Variants in GRB14 observed in about 807,000 individuals in gnomAD.
GRB14 encodes the protein growth factor receptor-bound protein 14.
In GRB14, 38 loss-of-function variants were observed where a neutral mutation model predicts 69.1. That is an observed-to-expected ratio of 0.55 (90% CI 0.42 to 0.72). The LOEUF (loss-of-function observed/expected upper bound fraction) is 0.72. Ranked by LOEUF, GRB14 falls within the 30% of genes least tolerant of loss-of-function variation. The pLI, the probability that GRB14 is intolerant of heterozygous loss-of-function variation, is 0.00. For missense variants in GRB14, 666 were observed against 666.1 expected (o/e 1.00, Z 0.00); for synonymous variants, 247 against 241.3 (o/e 1.02, Z -0.22).
intron 6 of GRB14, among the ~76,000 whole-genome samples, chr2:164,517,937 C>T (rs1341943850): frequency 6.6e-6 from 1 of 152,040 alleles, no homozygotes; most frequent in Non-Finnish European, 1.5e-5. Flanking sequence ...TTTAATACTC[C>T]ACTAACTGCA....
chr2:164,518,898 A>T (rs923403720), intron 6 of GRB14, among the ~76,000 whole-genome samples: 2 of 152,060 alleles, frequency 1.3e-5, no homozygotes, highest in African/African-American at 4.8e-5. Context: ...ACAAAAAAAA[A>T]GGTCCAGGAC....
chr2:164,573,817 G>T (rs1689177904), intron 2 of GRB14: 1 of 1,612,684 alleles, frequency 6.2e-7, no homozygotes. Context: ...CAGATAAATT[G>T]AACATGACTC....
intron 2 of GRB14, among the ~76,000 whole-genome samples, chr2:164,619,316 C>A (rs2105366144): frequency 6.6e-6 from 1 of 152,296 alleles, no homozygotes; most frequent in Non-Finnish European, 1.5e-5. Context: ...AGGAATCAGT[C>A]AATCCCCTTC....
intron 3 of GRB14, among the ~76,000 whole-genome samples, chr2:164,545,080 A>T (rs1194309829): frequency 6.6e-6 from 1 of 152,226 alleles, no homozygotes; most frequent in African/African-American, 2.4e-5. Flanking sequence ...GATTTTGTAT[A>T]TTGGCAGCTA....
chr2:164,592,376 C>T (rs1469271800), intron 2 of GRB14, among the ~76,000 whole-genome samples: 23 of 152,226 alleles, frequency 1.5e-4, no homozygotes, highest in South Asian at 1.5e-3. Context: ...CCTTGTGATC[C>T]GCCTGCCTCA....
intron 2 of GRB14, among the ~76,000 whole-genome samples, chr2:164,578,637 T>C (rs1317069988): frequency 1.3e-5 from 2 of 151,634 alleles, no homozygotes; most frequent in South Asian, 2.1e-4. Flanking sequence ...TCTTCATGAG[T>C]TGGACAAAAA....
chr2:164,496,303 T>C (rs1254772747), intron 12 of GRB14, among the ~76,000 whole-genome samples: 1 of 152,140 alleles, frequency 6.6e-6, no homozygotes, highest in Non-Finnish European at 1.5e-5. Context: ...TGTACTGCAT[T>C]TGGAAAGGGA....
chr2:164,571,105 C>T (rs1381387347), intron 2 of GRB14, among the ~76,000 whole-genome samples: 1 of 152,184 alleles, frequency 6.6e-6, no homozygotes, highest in East Asian at 1.9e-4. Context: ...TTCTGTAATC[C>T]TTTGCAGGTG....
intron 2 of GRB14, among the ~76,000 whole-genome samples, chr2:164,606,063 T>G (rs1457268106): frequency 1.3e-5 from 2 of 152,226 alleles, no homozygotes; most frequent in African/African-American, 4.8e-5. Flanking sequence ...TACTCATAAA[T>G]ACAGGAGTGT....
intron 6 of GRB14, among the ~76,000 whole-genome samples, chr2:164,509,346 A>G (rs1423573646): frequency 1.3e-5 from 2 of 152,250 alleles, no homozygotes; most frequent in Non-Finnish European, 2.9e-5. Context: ...AGTGGAACAC[A>G]CCACAGGAAG....
chr2:164,580,629 G>T (rs543179929), intron 2 of GRB14, among the ~76,000 whole-genome samples: 2 of 151,800 alleles, frequency 1.3e-5, no homozygotes, highest in Admixed American at 1.3e-4. Context: ...GCTTGAACCC[G>T]AGAGGTGGAG....
chr2:164,500,241 T>C lies in GRB14; in HGVS notation c.1104+2014A>G, dbSNP rs554590421. On this transcript the variant is annotated intron_variant, in intron 9 of 13. Transcript: ENST00000263915. Reference sequence around the variant, plus strand: ...CAAATATATTTGGCTTCCTGAAATGTCTGCTGCTGATTGATTCTCACTTCA... The same window carrying C: ...CAAATATATTTGGCTTCCTGAAATGCCTGCTGCTGATTGATTCTCACTTCA... Among the ~76,000 whole-genome samples, 208 of 152,218 alleles carry C rather than the reference T, an allele frequency of 1.4e-3. 2 individuals are homozygous for C. Among genetic ancestry groups the C allele is most frequent in the African/African-American group, 5.0e-3 (206 of 41,542 alleles).
Position 164,498,495 on chromosome 2 carries a change from GT to G in GRB14, c.1105-1006del, listed in dbSNP as rs1479473369. Among the ~76,000 whole-genome samples the G allele has an allele frequency of 2.0e-5, 3 of 152,116 alleles. No individual in the cohort carries two copies. In the East Asian group the frequency reaches 5.8e-4, roughly 29 times the overall value. On this transcript the variant is annotated intron_variant, in intron 9 of 13. Transcript: ENST00000263915. ...AATCTCTAGTCAAGAATCCCACTCA[GT>G]TCATAAGTTCATACAACATCAAGAA...
chr2:164,516,879 C>T (rs1291671283), intron 6 of GRB14, among the ~76,000 whole-genome samples: 2 of 152,024 alleles, frequency 1.3e-5, no homozygotes, highest in African/African-American at 4.8e-5. Flanking sequence ...CATAAATTAC[C>T]CTGGCATGGT....
intron 13 of GRB14, 43 bp downstream of exon 13, chr2:164,494,388 A>C (rs759508593): frequency 2.9e-6 from 3 of 1,024,240 alleles, no homozygotes; most frequent in Non-Finnish European, 4.7e-6. Context: ...TTATGCATTA[A>C]GGTCATTTCT....
At chr2:164,527,504 G>C (rs1276616441) in intron 3 of GRB14, among the ~76,000 whole-genome samples, 1 of 151,408 alleles carries the variant, frequency 6.6e-6, no homozygotes, top group Non-Finnish European at 1.5e-5. Flanking sequence ...TTTTTTCTCT[G>C]ACTCATCATG....
At chr2:164,501,980 C>T (rs1050450280) in intron 9 of GRB14, among the ~76,000 whole-genome samples, 1 of 151,762 alleles carries the variant, frequency 6.6e-6, no homozygotes, top group African/African-American at 2.4e-5. Flanking sequence ...CAGAAAGACA[C>T]ATAATTGTTT....
chr2:164,524,776 TC>T (rs1687724683), intron 5 of GRB14, among the ~76,000 whole-genome samples: 1 of 151,968 alleles, frequency 6.6e-6, no homozygotes, highest in Admixed American at 6.6e-5. Flanking sequence ...ATATGTAAAA[TC>T]CTTTGACAAT....
intron 2 of GRB14, among the ~76,000 whole-genome samples, chr2:164,556,552 T>G (rs1688682332): frequency 6.6e-6 from 1 of 152,126 alleles, no homozygotes. Context: ...TCCTACATTT[T>G]TTTCTGTTTC....
Sources: gnomAD v4.1 joint callset for allele counts (sites outside exome capture counted in the v4.1 genomes callset) on GRCh38, gnomAD v4.1.1 for gene constraint, MANE v1.5 for transcripts, NCBI Gene and HGNC (gene_info 2026-07-23, HGNC 2026-07-21) for gene names.